PPM1B: variants seen among roughly 807,000 people sequenced by gnomAD.
The protein encoded by PPM1B is protein phosphatase 1B.
A neutral mutation model predicts 43.0 loss-of-function variants in PPM1B; 22 were observed. The observed-to-expected ratio is 0.51, with a 90% CI of 0.37 to 0.73. PPM1B has a LOEUF of 0.73. PPM1B is among the 30% of genes least tolerant of loss of function. The pLI, the probability that PPM1B is intolerant of heterozygous loss-of-function variation, is 0.00. For missense variants in PPM1B, 632 were observed against 584.2 expected, an observed-to-expected ratio of 1.08 and a Z score of -0.84; for synonymous variants, 217 against 197.9, an observed-to-expected ratio of 1.10 and a Z score of -0.81.
chr2:44,234,476 G>A (rs1028642143), downstream of PPM1B: 42 of 836,406 alleles, frequency 5.0e-5, 1 homozygote, highest in East Asian at 2.6e-4. Flanking sequence ...CTAAGATCGC[G>A]CCACTGCACT....
intron 1 of PPM1B, among the ~76,000 whole-genome samples, chr2:44,184,781 T>G (rs531559978): frequency 1.4e-4 from 21 of 152,160 alleles, no homozygotes; most frequent in African/African-American, 5.1e-4. Context: ...GAGAATCATG[T>G]TTTTATTTTC....
At chr2:44,217,294 G>T (rs1669766606) in intron 3 of PPM1B, among the ~76,000 whole-genome samples, 2 of 151,804 alleles carry the variant, frequency 1.3e-5, no homozygotes, top group South Asian at 2.1e-4. Flanking sequence ...AGCTACTCGG[G>T]AGGCTGAGGC....
intron 1 of PPM1B, among the ~76,000 whole-genome samples, chr2:44,198,672 G>A (rs769493564): frequency 3.3e-5 from 5 of 152,114 alleles, no homozygotes; most frequent in Admixed American, 1.3e-4. Context: ...AAAATGAAAC[G>A]AAATAATAAG....
intron 2 of PPM1B, among the ~76,000 whole-genome samples, chr2:44,206,141 T>G (rs749393258): frequency 4.5e-4 from 69 of 152,368 alleles, no homozygotes; most frequent in Non-Finnish European, 7.2e-4. Flanking sequence ...TGTTAACTGC[T>G]GTGCTGTTGT....
intron 5 of PPM1B, among the ~76,000 whole-genome samples, chr2:44,221,445 C>T (rs1034960848): frequency 2.6e-5 from 4 of 152,082 alleles, no homozygotes; most frequent in African/African-American, 4.8e-5. Context: ...AAAAGCTAGC[C>T]GCAAAGGTGC....
downstream of PPM1B, chr2:44,232,377 T>C: frequency 6.2e-7 from 1 of 1,602,146 alleles, no homozygotes; most frequent in Non-Finnish European, 8.5e-7. Flanking sequence ...CTTTTGATTC[T>C]GAAAATTGGG....
downstream of PPM1B, chr2:44,232,547 C>T: frequency 7.1e-7 from 1 of 1,414,510 alleles, no homozygotes; most frequent in South Asian, 1.6e-5. Flanking sequence ...GCCTGTACTA[C>T]AGTATTTTTT....
At chr2:44,177,581 G>A (rs1462634786) in intron 1 of PPM1B, among the ~76,000 whole-genome samples, 1 of 151,818 alleles carries the variant, frequency 6.6e-6, no homozygotes, top group African/African-American at 2.4e-5. Flanking sequence ...ACCACGCTCA[G>A]CTAATTTTTG....
At chr2:44,216,930 A>G (rs367582104) in intron 3 of PPM1B, among the ~76,000 whole-genome samples, 1 of 151,382 alleles carries the variant, frequency 6.6e-6, no homozygotes, top group South Asian at 2.1e-4. Flanking sequence ...CATTCACCAT[A>G]CAGAGGGGTT....
At chr2:44,220,063 G>A (rs1171144993) in intron 5 of PPM1B, among the ~76,000 whole-genome samples, 1 of 152,060 alleles carries the variant, frequency 6.6e-6, no homozygotes, top group Non-Finnish European at 1.5e-5. Context: ...ATGACTAAAA[G>A]GATGGTGGTA....
chr2:44,226,358 A>T (rs2104257919), intron 5 of PPM1B, among the ~76,000 whole-genome samples: 1 of 152,300 alleles, frequency 6.6e-6, no homozygotes, highest in East Asian at 1.9e-4. Context: ...TTAATAATGT[A>T]AGTGTCAGTT....
Position 44,243,418 on chromosome 2 carries a change from T to C in PPM1B, n.1547-810T>C, listed in dbSNP as rs76864429. On this transcript the variant is annotated intron_variant and non_coding_transcript_variant, in intron 5 of 5. Transcript: ENST00000378540. ...CATTCAAAATTTTCAGAATTTTCTT[T>C]AACAGTTTCATCAACCTTCAGTTGC... 2.6e-3 allele frequency among the ~76,000 whole-genome samples: 393 copies of C among 152,342 alleles called. 1 individual carries two copies. The highest frequency in any genetic ancestry group is 8.8e-3 in the African/African-American group (366 of 41,586).
chr2:44,243,600 C>G (rs768156090), intron 5 of PPM1B, among the ~76,000 whole-genome samples: 4 of 152,098 alleles, frequency 2.6e-5, no homozygotes, highest in South Asian at 4.1e-4. Flanking sequence ...TCCCTTTATA[C>G]CAGCTGTTAC....
intron 5 of PPM1B, among the ~76,000 whole-genome samples, chr2:44,219,741 C>T (rs1471319746): frequency 5.3e-5 from 8 of 151,904 alleles, no homozygotes; most frequent in African/African-American, 1.9e-4. Flanking sequence ...GTTGGGAGTT[C>T]GAGACCAGCC....
At chr2:44,192,328 C>A (rs1277103790) in intron 1 of PPM1B, among the ~76,000 whole-genome samples, 2 of 152,022 alleles carry the variant, frequency 1.3e-5, no homozygotes, top group Non-Finnish European at 2.9e-5. Flanking sequence ...AGCGATTTTC[C>A]TGTCTCAGCC....
intron 5 of PPM1B, among the ~76,000 whole-genome samples, chr2:44,228,948 C>T (rs1223123853): frequency 1.3e-5 from 2 of 151,976 alleles, no homozygotes; most frequent in African/African-American, 2.4e-5. Context: ...TTTGGGAGGC[C>T]GATGCAGGCA....
chr2:44,190,524 T>C (rs973394440), intron 1 of PPM1B, among the ~76,000 whole-genome samples: 2 of 152,192 alleles, frequency 1.3e-5, no homozygotes, highest in African/African-American at 4.8e-5. Context: ...GTATCACTTT[T>C]TGAAGCTTTT....
At chr2:44,205,419 T>A (rs1385128110) in intron 2 of PPM1B, among the ~76,000 whole-genome samples, 11 of 146,302 alleles carry the variant, frequency 7.5e-5, no homozygotes, top group Admixed American at 7.4e-4. Flanking sequence ...TCTGAGAAAT[T>A]TTTCCCCAAG....
At chr2:44,222,153 A>C (rs552287825) in intron 5 of PPM1B, among the ~76,000 whole-genome samples, 1 of 152,192 alleles carries the variant, frequency 6.6e-6, no homozygotes, top group African/African-American at 2.4e-5. Flanking sequence ...CTTTTTCTAA[A>C]ATGCTAGTTT....
Sources: allele counts gnomAD v4.1 joint callset (sites outside exome capture counted in the v4.1 genomes callset), GRCh38; gene constraint gnomAD v4.1.1; transcripts MANE v1.5; gene names NCBI Gene and HGNC (gene_info 2026-07-23, HGNC 2026-07-21).